CTNNA3: variants seen among roughly 807,000 people sequenced by gnomAD.
CTNNA3 encodes catenin alpha-3.
CTNNA3 carries 76 observed loss-of-function variants against 95.7 expected under a neutral mutation model. The observed-to-expected ratio is 0.79, with a 90% CI of 0.66 to 0.96. The LOEUF is 0.96. Ranked by LOEUF, CTNNA3 falls within the 40% of genes least tolerant of loss-of-function variation. The pLI, the probability that CTNNA3 is intolerant of heterozygous loss-of-function variation, is 0.00. For missense variants in CTNNA3, 1,191 were observed against 1,089.8 expected (o/e 1.09, Z -1.31); for synonymous variants, 431 against 374.4 (o/e 1.15, Z -1.74).
chr10:65,931,327 C>T lies in CTNNA3; in HGVS notation c.2401-10710G>A, dbSNP rs374269459. Among the ~76,000 whole-genome samples, 23 of 152,276 alleles carry T rather than the reference C, an allele frequency of 1.5e-4. No individual in the cohort carries two copies. In the East Asian group the frequency reaches 2.1e-3, roughly 14 times the overall value. On this transcript the variant is annotated intron_variant, in intron 17 of 17. Coordinates refer to ENST00000433211, the MANE Select transcript of CTNNA3 (RefSeq NM_013266.4). ...CTGGTAGATGTGGGCACTGCCATAG[C>T]GCCTTGCCTGCTAGGAACTACAAAC...
intron 1 of CTNNA3, among the ~76,000 whole-genome samples, chr10:67,661,669 C>G (rs957407247): frequency 6.6e-6 from 1 of 151,788 alleles, no homozygotes; most frequent in Non-Finnish European, 1.5e-5. Context: ...AAAAAGAACC[C>G]TTAGAACTCA....
chr10:66,621,603 A>AG, intron 10 of CTNNA3, 89 bp downstream of exon 10: 2 of 769,932 alleles, frequency 2.6e-6, no homozygotes, highest in South Asian at 2.1e-5. Flanking sequence ...AAAAAAAAAA[A>AG]AGAAAAAAAA....
chr10:67,597,974 A>C (rs1842976146), intron 3 of CTNNA3, among the ~76,000 whole-genome samples: 1 of 152,154 alleles, frequency 6.6e-6, no homozygotes, highest in Non-Finnish European at 1.5e-5. Context: ...AAAGTATATC[A>C]GCTGGGCGTC....
intron 9 of CTNNA3, among the ~76,000 whole-genome samples, chr10:66,757,192 C>T (rs1839393959): frequency 6.6e-6 from 1 of 152,118 alleles, no homozygotes; most frequent in Non-Finnish European, 1.5e-5. Flanking sequence ...TTCTTTCACT[C>T]ATTACTTCTT....
At chr10:67,218,917 T>G (rs1264389330) in intron 6 of CTNNA3, among the ~76,000 whole-genome samples, 1 of 152,190 alleles carries the variant, frequency 6.6e-6, no homozygotes, top group Non-Finnish European at 1.5e-5. Context: ...AACCTTTCAG[T>G]GTATTCCCAT....
chr10:66,022,900 T>A (rs1352888736), intron 15 of CTNNA3, among the ~76,000 whole-genome samples: 2 of 152,226 alleles, frequency 1.3e-5, no homozygotes, highest in Non-Finnish European at 2.9e-5. Flanking sequence ...CCATTCATTG[T>A]TTAATTTCCA....
chr10:66,756,420 CTT>C (rs1261506497), intron 9 of CTNNA3, among the ~76,000 whole-genome samples: 2 of 152,210 alleles, frequency 1.3e-5, no homozygotes, highest in Admixed American at 6.6e-5. Context: ...GTAAATTTGA[CTT>C]TGTTTTTTAG....
chr10:66,554,556 C>G (rs552644922), intron 10 of CTNNA3, among the ~76,000 whole-genome samples: 38 of 152,214 alleles, frequency 2.5e-4, no homozygotes, highest in African/African-American at 9.1e-4. Context: ...TGTATCTTTG[C>G]ATTTTTTTTC....
chr10:66,375,358 G>C (rs1470939105), intron 12 of CTNNA3, among the ~76,000 whole-genome samples: 1 of 152,078 alleles, frequency 6.6e-6, no homozygotes, highest in Non-Finnish European at 1.5e-5. Context: ...TGGCATGGTA[G>C]AGACCATGGC....
At chr10:67,659,540 G>T (rs975977799) in intron 1 of CTNNA3, among the ~76,000 whole-genome samples, 5 of 152,074 alleles carry the variant, frequency 3.3e-5, no homozygotes, top group Non-Finnish European at 5.9e-5. Context: ...CAGCATGAAG[G>T]TTACCTACAT....
intron 7 of CTNNA3, among the ~76,000 whole-genome samples, chr10:67,027,219 G>C (rs1402865525): frequency 1.3e-5 from 2 of 152,020 alleles, no homozygotes; most frequent in Non-Finnish European, 2.9e-5. Flanking sequence ...GGAGAGATGA[G>C]GAAAGGAAGG....
At chr10:66,887,498 C>G (rs1845089239) in intron 7 of CTNNA3, among the ~76,000 whole-genome samples, 1 of 151,988 alleles carries the variant, frequency 6.6e-6, no homozygotes, top group Non-Finnish European at 1.5e-5. Flanking sequence ...ATCTGCAAAG[C>G]AAGAGTGAAT....
intron 11 of CTNNA3, among the ~76,000 whole-genome samples, chr10:66,381,316 T>C (rs1269318314): frequency 2.0e-5 from 3 of 152,316 alleles, no homozygotes; most frequent in South Asian, 2.1e-4. Context: ...AAATGCATGC[T>C]GACCTCCTCA....
chr10:67,004,445 A>G (rs1410758788), intron 7 of CTNNA3, among the ~76,000 whole-genome samples: 1 of 152,210 alleles, frequency 6.6e-6, no homozygotes, highest in Non-Finnish European at 1.5e-5. Flanking sequence ...GCCCCATGGC[A>G]TGGTGTCTGA....
intron 5 of CTNNA3, among the ~76,000 whole-genome samples, chr10:67,440,392 A>G (rs1328586217): frequency 6.6e-6 from 1 of 152,126 alleles, no homozygotes; most frequent in East Asian, 1.9e-4. Flanking sequence ...GCATCTCTGA[A>G]CCTACTCAAG....
intron 9 of CTNNA3, among the ~76,000 whole-genome samples, chr10:66,682,697 CA>C (rs965262990): frequency 2.8e-5 from 4 of 141,798 alleles, no homozygotes; most frequent in Non-Finnish European, 6.1e-5. Context: ...ATTTTAGATT[CA>C]GGGGGTACAT....
chr10:66,816,960 A>G, intron 7 of CTNNA3, among the ~76,000 whole-genome samples: 1 of 152,072 alleles, frequency 6.6e-6, no homozygotes, highest in East Asian at 1.9e-4. Flanking sequence ...ACATTAGAAA[A>G]TATTTTGAGA....
intron 7 of CTNNA3, among the ~76,000 whole-genome samples, chr10:66,943,795 T>G (rs1271927240): frequency 6.6e-6 from 1 of 152,182 alleles, no homozygotes; most frequent in African/African-American, 2.4e-5. Context: ...TTTTTTGGTT[T>G]CCTAGTGAAT....
intron 9 of CTNNA3, among the ~76,000 whole-genome samples, chr10:66,622,484 T>G (rs1450919272): frequency 6.6e-6 from 1 of 152,140 alleles, no homozygotes; most frequent in African/African-American, 2.4e-5. Flanking sequence ...TTACAAATAC[T>G]TTCTTCAGAC....
Sources: allele counts gnomAD v4.1 joint callset (sites outside exome capture counted in the v4.1 genomes callset), GRCh38; gene constraint gnomAD v4.1.1; transcripts MANE v1.5; gene names NCBI Gene and HGNC (gene_info 2026-07-23, HGNC 2026-07-21).